Variants in CSMD1 observed in about 807,000 individuals in gnomAD.
CSMD1 encodes the protein CUB and sushi domain-containing protein 1.
Under a neutral mutation model 417.5 loss-of-function variants are expected in CSMD1, and 213 were observed. That is an observed-to-expected ratio of 0.51 (90% CI 0.46 to 0.57). CSMD1 has a LOEUF of 0.57. Among genes scored for constraint, CSMD1 ranks in the 20% least tolerant of loss-of-function variants. The pLI, the probability that CSMD1 is intolerant of heterozygous loss-of-function variation, is 0.00. For missense variants in CSMD1, 6,923 were observed against 4,529.7 expected, an observed-to-expected ratio of 1.53 and a Z score of -15.17; for synonymous variants, 2,862 against 1,736.8, an observed-to-expected ratio of 1.65 and a Z score of -16.11.
intron 54 of CSMD1, among the ~76,000 whole-genome samples, chr8:2,995,464 G>T (rs990384548): frequency 6.6e-6 from 1 of 152,152 alleles, no homozygotes. Flanking sequence ...AAATAGTACC[G>T]CCATGCTGGA....
At chr8:4,158,959 A>G (rs1391553095) in intron 3 of CSMD1, among the ~76,000 whole-genome samples, 1 of 152,190 alleles carries the variant, frequency 6.6e-6, no homozygotes, top group Non-Finnish European at 1.5e-5. Flanking sequence ...CTTGTTGCCC[A>G]GGTTGGAGTG....
chr8:3,259,293 C>T (rs1395224286), intron 26 of CSMD1, among the ~76,000 whole-genome samples: 1 of 152,152 alleles, frequency 6.6e-6, no homozygotes, highest in Non-Finnish European at 1.5e-5. Flanking sequence ...TTTGAAAACT[C>T]ATGGATTTCT....
chr8:3,202,923 C>G (rs1797064855), intron 31 of CSMD1, among the ~76,000 whole-genome samples: 1 of 152,006 alleles, frequency 6.6e-6, no homozygotes, highest in Non-Finnish European at 1.5e-5. Flanking sequence ...GCTCTAAAAA[C>G]TTTTTTCAGG....
At chr8:4,461,151 T>C (rs912658103) in intron 2 of CSMD1, among the ~76,000 whole-genome samples, 2 of 75,650 alleles carry the variant, frequency 2.6e-5, no homozygotes, top group Non-Finnish European at 5.5e-5. Context: ...TAAAGTCAGC[T>C]GATTGTCTTA....
chr8:4,709,967 G>A (rs1007229188), intron 1 of CSMD1, among the ~76,000 whole-genome samples: 1 of 152,246 alleles, frequency 6.6e-6, no homozygotes, highest in South Asian at 2.1e-4. Context: ...ATATCAGGTC[G>A]ATTTAGAAAT....
chr8:3,472,875 G>C (rs949889131), intron 11 of CSMD1, among the ~76,000 whole-genome samples: 4 of 151,988 alleles, frequency 2.6e-5, no homozygotes, highest in East Asian at 1.9e-4. Flanking sequence ...TCGGCCACTA[G>C]AAGTAACTGT....
intron 3 of CSMD1, among the ~76,000 whole-genome samples, chr8:4,244,016 G>A (rs1480329823): frequency 2.0e-5 from 3 of 152,324 alleles, no homozygotes; most frequent in East Asian, 3.9e-4. Flanking sequence ...GTGGGAAGCT[G>A]CATTTTAACC....
At chr8:3,278,976 A>G (rs1294989283) in intron 26 of CSMD1, 2 of 152,152 alleles carry the variant, frequency 1.3e-5, no homozygotes, top group Non-Finnish European at 2.9e-5. Flanking sequence ...CTTTTCTAAA[A>G]CTAGAAAACC....
At chr8:4,067,453 A>G (rs965916578) in intron 3 of CSMD1, among the ~76,000 whole-genome samples, 5 of 151,302 alleles carry the variant, frequency 3.3e-5, no homozygotes, top group Admixed American at 6.6e-5. Flanking sequence ...ATACAGTGGT[A>G]TATCAGTTCT....
intron 1 of CSMD1, among the ~76,000 whole-genome samples, chr8:4,955,202 C>A (rs1003863518): frequency 5.9e-5 from 9 of 152,156 alleles, no homozygotes; most frequent in African/African-American, 1.7e-4. Context: ...GGCTTCTACC[C>A]ATTCGTGTGC....
intron 1 of CSMD1, among the ~76,000 whole-genome samples, chr8:4,933,036 CT>C (rs1807350302): frequency 6.6e-6 from 1 of 152,162 alleles, no homozygotes; most frequent in Admixed American, 6.6e-5. Flanking sequence ...AAAAGATTTT[CT>C]TTTTAACTTC....
chr8:4,680,257 C>T (rs1367811387), intron 1 of CSMD1, among the ~76,000 whole-genome samples: 2 of 152,152 alleles, frequency 1.3e-5, no homozygotes, highest in African/African-American at 4.8e-5. Flanking sequence ...TTCAAAAATA[C>T]ATGTTATGTT....
At chr8:4,577,192 T>G (rs1350358965) in intron 2 of CSMD1, among the ~76,000 whole-genome samples, 2 of 152,188 alleles carry the variant, frequency 1.3e-5, no homozygotes, top group African/African-American at 4.8e-5. Context: ...AAGCGAGATT[T>G]TCTTTTGAAT....
chr8:3,414,847 C>T (rs1743549303), intron 12 of CSMD1, among the ~76,000 whole-genome samples: 2 of 152,136 alleles, frequency 1.3e-5, no homozygotes, highest in African/African-American at 2.4e-5. Context: ...TTTAACCATG[C>T]ACTGTTGATA....
intron 1 of CSMD1, among the ~76,000 whole-genome samples, chr8:4,645,157 T>C (rs950572769): frequency 6.6e-6 from 1 of 152,138 alleles, no homozygotes; most frequent in Non-Finnish European, 1.5e-5. Context: ...CTAATTTTTC[T>C]CCTACATGCT....
At chr8:4,368,100 G>A (rs1037013543) in intron 3 of CSMD1, among the ~76,000 whole-genome samples, 1 of 152,088 alleles carries the variant, frequency 6.6e-6, no homozygotes, top group Non-Finnish European at 1.5e-5. Context: ...TTCTCAAGGG[G>A]AGTGCTTCTA....
intron 3 of CSMD1, among the ~76,000 whole-genome samples, chr8:4,106,288 G>A (rs567758664): frequency 3.9e-5 from 6 of 152,192 alleles, no homozygotes; most frequent in East Asian, 1.9e-4. Flanking sequence ...TCTGTGGGTG[G>A]GAAAATACGT....
Position 2,997,697 on chromosome 8 carries a change from A to G in CSMD1, c.8377+314T>C. Among the ~76,000 whole-genome samples, 2 of 152,208 alleles carry G rather than the reference A, an allele frequency of 1.3e-5. 1 individual carries two copies. Among genetic ancestry groups the G allele is most frequent in the Non-Finnish European group, 2.9e-5 (2 of 68,036 alleles). ...AGACAGTCATAAAATTAGAAGCATAATGGCCCCCAAATGCTAACTATACAG... is the reference window on the plus strand; with the variant it reads ...AGACAGTCATAAAATTAGAAGCATAGTGGCCCCCAAATGCTAACTATACAG... On this transcript the variant is annotated intron_variant, in intron 54 of 69. Transcript: ENST00000635120.
chr8:4,036,553 T>G (rs893928841), intron 3 of CSMD1, among the ~76,000 whole-genome samples: 6 of 152,234 alleles, frequency 3.9e-5, no homozygotes, highest in Non-Finnish European at 8.8e-5. Context: ...AAATATTTAT[T>G]CTGTTCAATT....
Sources: allele counts gnomAD v4.1 joint callset (sites outside exome capture counted in the v4.1 genomes callset), GRCh38; gene constraint gnomAD v4.1.1; transcripts MANE v1.5; gene names NCBI Gene and HGNC (gene_info 2026-07-23, HGNC 2026-07-21).